NCAPD3: variants seen among roughly 807,000 people sequenced by gnomAD.
The protein encoded by NCAPD3 is non-SMC condensin II complex subunit D3.
A neutral mutation model predicts 182.9 loss-of-function variants in NCAPD3; 105 were observed. The ratio of observed to expected loss-of-function variants is 0.57; its 90% CI spans 0.49 to 0.68. The LOEUF (loss-of-function observed/expected upper bound fraction) is 0.68. NCAPD3 is among the 30% of genes least tolerant of loss of function. NCAPD3 has a pLI of 0.00. For synonymous variants in NCAPD3, 815 were observed against 679.9 expected (o/e 1.20, Z -3.09); for missense variants, 1,944 against 1,837.0 (o/e 1.06, Z -1.07).
intron 24 of NCAPD3, among the ~76,000 whole-genome samples, chr11:134,171,113 G>A (rs1249428706): frequency 6.6e-6 from 1 of 152,132 alleles, no homozygotes; most frequent in African/African-American, 2.4e-5. Context: ...GGATTCTCAA[G>A]AAATCTTAGT....
At chr11:134,177,109 T>G in intron 23 of NCAPD3, 110 bp downstream of exon 23, 1 of 827,432 alleles carries the variant, frequency 1.2e-6, no homozygotes. Flanking sequence ...ATGAGACAAT[T>G]ATTTTTGGAT....
In NCAPD3 at chr11:134,194,030, TAA is replaced by T; in HGVS notation, c.1808_1809del (p.Leu603HisfsTer2). On this transcript the variant is annotated frameshift_variant, in exon 15 of 35. Coordinates refer to ENST00000534548, the MANE Select transcript of NCAPD3 (RefSeq NM_015261.3). LOFTEE classifies it high-confidence loss of function. ...CTGCCTCTCACCATAAGGAGTTCAG[TAA>T]GAGACTGGAGGGCCTGCTTCCGGAC... ...VSVRKQALQS[L>X]TELLMAQPRC... 6.2e-7 allele frequency: 1 copy of T among 1,614,010 alleles called. No individual in the cohort carries two copies. The highest frequency in any genetic ancestry group is 8.5e-7 in the Non-Finnish European group (1 of 1,179,930).
chr11:134,159,465 G>A (rs998590838), intron 29 of NCAPD3, among the ~76,000 whole-genome samples: 1 of 152,212 alleles, frequency 6.6e-6, no homozygotes, highest in Non-Finnish European at 1.5e-5. Context: ...TGACAGAAGA[G>A]AAAAAGGAGT....
chr11:134,160,083 G>C lies in NCAPD3; in HGVS notation c.3685-9C>G. ...TAATCCTGCATCACCTCCTGAAACAGAGCCAGGAGCATCCTTTCATGTTTT... is the reference window on the plus strand; with the variant it reads ...TAATCCTGCATCACCTCCTGAAACACAGCCAGGAGCATCCTTTCATGTTTT... On this transcript the variant is annotated splice_polypyrimidine_tract_variant and intron_variant, in intron 28 of 34. Coordinates refer to ENST00000534548, the MANE Select transcript of NCAPD3 (RefSeq NM_015261.3). The C allele has an allele frequency of 6.2e-7, 1 of 1,612,156 alleles. No individual in the cohort carries two copies. Among genetic ancestry groups the C allele is most frequent in the Non-Finnish European group, 8.5e-7 (1 of 1,178,920 alleles).
chr11:134,217,789 C>T (rs1221014671), intron 2 of NCAPD3, among the ~76,000 whole-genome samples: 1 of 152,170 alleles, frequency 6.6e-6, no homozygotes, highest in African/African-American at 2.4e-5. Flanking sequence ...CTTTCCTTAA[C>T]TAAAAAACTT....
intron 16 of NCAPD3, among the ~76,000 whole-genome samples, chr11:134,189,976 C>A (rs192105214): frequency 6.6e-6 from 1 of 152,054 alleles, no homozygotes; most frequent in Admixed American, 6.6e-5. Flanking sequence ...TTTTTATATC[C>A]AAAGATTTTG....
intron 3 of NCAPD3, among the ~76,000 whole-genome samples, 190 bp from the exon 4 acceptor site, chr11:134,210,644 A>G (rs1214801315): frequency 6.6e-6 from 1 of 152,244 alleles, no homozygotes; most frequent in African/African-American, 2.4e-5. Flanking sequence ...AGAGGTAAGT[A>G]ACAAGATTTC....
At chr11:134,167,205 G>A (rs1484344154) in intron 27 of NCAPD3, among the ~76,000 whole-genome samples, 1 of 111,310 alleles carries the variant, frequency 9.0e-6, no homozygotes, top group Non-Finnish European at 1.8e-5. Context: ...AGCTTAGGGA[G>A]AGCAGCACAC....
Position 134,192,776 on chromosome 11 carries a change from T to G in NCAPD3, c.1958A>C (p.His653Pro), listed in dbSNP as rs1448113521. ...LDQLLLQNIRHHSHFHSGDDS... is the reference protein window; with the variant it reads ...LDQLLLQNIRPHSHFHSGDDS... The stretch of plus-strand genomic sequence containing the variant: ...GTCCCCAGAGTGAAAATGACTGTGA[T>G]GCCGGATGTTCTGCAGCAGCAGCTG... Residue 653 changes from histidine (H) to proline (P), a missense_variant, in exon 16 of 35, where the codon CAT becomes CCT. Physicochemically the swap from His to Pro is moderately conservative, Grantham distance 77. Transcript: ENST00000534548. 2 of 1,614,252 alleles carry G rather than the reference T, an allele frequency of 1.2e-6. No homozygotes were observed. Among genetic ancestry groups the G allele is most frequent in the East Asian group, 4.5e-5 (2 of 44,878 alleles).
chr11:134,203,571 C>A (rs1944792222), intron 11 of NCAPD3, 83 bp downstream of exon 11: 3 of 1,526,004 alleles, frequency 2.0e-6, no homozygotes, highest in Non-Finnish European at 2.7e-6. Context: ...ATTACTTTTG[C>A]CACAGAAAAG....
Position 134,181,100 on chromosome 11 carries a change from C to T in NCAPD3, c.2536G>A (p.Gly846Arg), listed in dbSNP as rs369990889. The change falls in exon 20 of 35, where the codon GGG (glycine) becomes AGG (arginine). Residue 846 changes from glycine to arginine, a missense_variant. Gly to Arg is a moderately radical substitution (Grantham distance 125). Around this residue, in one of 3 missense-constraint regions of NCAPD3, gnomAD observed 1,803 missense variants for 1,674.6 expected, o/e 1.08. Transcript: ENST00000534548. ...SNIVLKENGT[G>R]NMDEDLLVKY... ...ACCAACAGGTCTTCGTCCATATTCC[C>T]TGTTCCATTCTCCTTGAGAACGATG... The T allele has an allele frequency of 2.5e-6, 4 of 1,613,874 alleles. No individual in the cohort carries two copies. The African/African-American group carries it at 5.3e-5, about 22-fold the overall frequency.
At position 134,180,506 on chromosome 11, in the gene NCAPD3, C is replaced by T. The variant is rs780408904; in HGVS notation, c.2559+571G>A. On this transcript the variant is annotated intron_variant, in intron 20 of 34. Coordinates refer to ENST00000534548, the MANE Select transcript of NCAPD3 (RefSeq NM_015261.3). ...AGCCACTGAAATCAGCCCACTGTCC[C>T]GTCCTGGCTCACGGGAATTTCTTGC... is the stretch of plus-strand genomic sequence containing the variant. Among the ~76,000 whole-genome samples the T allele has an allele frequency of 3.8e-4, 58 of 152,164 alleles. 1 individual carries two copies. The highest frequency in any genetic ancestry group is 4.6e-4 in the Admixed American group (7 of 15,282).
intron 20 of NCAPD3, among the ~76,000 whole-genome samples, chr11:134,180,324 G>C (rs1048698452): frequency 6.6e-6 from 1 of 152,120 alleles, no homozygotes; most frequent in African/African-American, 2.4e-5. Flanking sequence ...ACACAGAAAA[G>C]ACGTGCTCCA....
chr11:134,154,633 G>A (rs1488262353), intron 32 of NCAPD3, among the ~76,000 whole-genome samples: 4 of 129,974 alleles, frequency 3.1e-5, no homozygotes, highest in Non-Finnish European at 4.9e-5. Flanking sequence ...CTCCTGGGTG[G>A]TGCTGTACCC....
intron 26 of NCAPD3, 115 bp from the exon 27 acceptor site, chr11:134,168,310 G>T: frequency 2.1e-6 from 3 of 1,446,402 alleles, no homozygotes; most frequent in South Asian, 2.3e-5. Flanking sequence ...GTCTGCAAGG[G>T]TGTTTTGTCT....
chr11:134,208,881 G>T lies in NCAPD3; in HGVS notation c.865C>A (p.His289Asn). The T allele has an allele frequency of 1.2e-6, 2 of 1,612,108 alleles. No homozygotes were observed. Among genetic ancestry groups the T allele is most frequent in the South Asian group, 2.2e-5 (2 of 90,756 alleles). Reference protein sequence around the residue: ...YGLYLLCSPIHGEGDKVISCV... With the variant: ...YGLYLLCSPINGEGDKVISCV... Reference sequence around the variant, plus strand: ...TCCTTTACCTTATCTCCTTCTCCATGAATGGGAGAGCACAGCAAATACAAT... The same window carrying T: ...TCCTTTACCTTATCTCCTTCTCCATTAATGGGAGAGCACAGCAAATACAAT... The change falls in exon 7 of 35, where the codon CAT becomes AAT. Residue 289 changes from histidine (H) to asparagine (N), a missense_variant. His to Asn is a moderately conservative substitution (Grantham distance 68). Transcript: ENST00000534548.
intron 10 of NCAPD3, 55 bp from the exon 11 acceptor site, chr11:134,203,961 C>T: frequency 6.2e-7 from 1 of 1,601,692 alleles, no homozygotes; most frequent in Non-Finnish European, 8.5e-7. Flanking sequence ...AACCAAAGAA[C>T]CCTCCTCATT....
chr11:134,203,731 G>C lies in NCAPD3; in HGVS notation c.1391C>G (p.Ala464Gly). 2 of 1,614,154 alleles carry C rather than the reference G, an allele frequency of 1.2e-6. No homozygotes were observed. The highest frequency in any genetic ancestry group is 4.5e-5 in the East Asian group (2 of 44,876). Residue 464 changes from alanine (A) to glycine (G), a missense_variant, in exon 11 of 35, where the codon GCA becomes GGA. Transcript: ENST00000534548. ...LDKAPTVRSKALSSFAHCLEL... is the reference protein window; with the variant it reads ...LDKAPTVRSKGLSSFAHCLEL... The stretch of plus-strand genomic sequence containing the variant: ...CAGACAGTGTGCAAAGCTGGACAGT[G>C]CCTTGCTGCGGACAGTAGGCGCCTT...
chr11:134,169,028 A>T lies in NCAPD3; in HGVS notation c.3128T>A (p.Leu1043Gln). ...ASFGEFCLAH[L>Q]LLKRNPVMFF... ...CATGACAGGGTTCCTCTTCAGTAAC[A>T]GGTGAGCCAGGCAAAACTCCCCGAA... Residue 1043 changes from leucine to glutamine, a missense_variant, in exon 25 of 35, where the codon CTG (leucine) becomes CAG (glutamine). Leu to Gln is a moderately radical substitution (Grantham distance 113). Transcript: ENST00000534548. 6.2e-7 allele frequency: 1 copy of T among 1,613,980 alleles called. No individual in the cohort carries two copies. Among genetic ancestry groups the T allele is most frequent in the South Asian group, 1.1e-5 (1 of 91,022 alleles).
Sources: gnomAD v4.1 joint callset for allele counts (sites outside exome capture counted in the v4.1 genomes callset) on GRCh38, gnomAD v4.1.1 for gene constraint, gnomAD v4.1.1 regional missense constraint, MANE v1.5 for transcripts, NCBI Gene and HGNC (gene_info 2026-07-23, HGNC 2026-07-21) for gene names.